SMC4: variants seen among roughly 807,000 people sequenced by gnomAD.
SMC4 encodes the protein structural maintenance of chromosomes 4, also known as structural maintenance of chromosomes protein 4.
A neutral mutation model predicts 145.6 loss-of-function variants in SMC4; 87 were observed. The ratio of observed to expected loss-of-function variants is 0.60; its 90% CI spans 0.50 to 0.71. SMC4 has a LOEUF of 0.71. Among genes scored for constraint, SMC4 ranks in the 30% least tolerant of loss-of-function variants. The pLI, the probability that SMC4 is intolerant of heterozygous loss-of-function variation, is 0.00. For missense variants in SMC4, 1,447 were observed against 1,537.1 expected (o/e 0.94, Z 0.98); for synonymous variants, 558 against 500.7 (o/e 1.11, Z -1.53).
intron 13 of SMC4, 40 bp from the exon 14 acceptor site, chr3:160,423,370 TGAGTTTTCTTTTTTG>T: frequency 3.0e-6 from 3 of 992,498 alleles, no homozygotes; most frequent in South Asian, 3.8e-5. Flanking sequence ...TTTTTTTTTT[TGAGTTTTCTTTTTTG>T]TTAACTGTTG....
At position 160,402,019 on chromosome 3, in the gene SMC4, C is replaced by CT. The variant is rs1714737721; in HGVS notation, c.246dup (p.Met83TyrfsTer24). Reference sequence around the variant, plus strand: ...GACCAATGAAGCTGGAGCTCCTCGGCTTATGATAACTCATATTGTAAACCA... The same window carrying CT: ...GACCAATGAAGCTGGAGCTCCTCGGCTTTATGATAACTCATATTGTAAACCA... On this transcript the variant is annotated frameshift_variant, in exon 3 of 24. Transcript: ENST00000357388. LOFTEE classifies it high-confidence loss of function. 4 of 1,599,866 alleles carry CT rather than the reference C, an allele frequency of 2.5e-6. No homozygotes were observed. The highest frequency in any genetic ancestry group is 3.4e-6 in the Non-Finnish European group (4 of 1,174,322).
intron 2 of SMC4, 90 bp downstream of exon 2, chr3:160,401,055 C>T (rs1297108898): frequency 1.5e-6 from 2 of 1,336,202 alleles, no homozygotes; most frequent in Admixed American, 4.1e-5. Context: ...GGTTGTTGAG[C>T]GCGGAGTTGA....
chr3:160,428,768 C>T lies in SMC4; in HGVS notation c.2621C>T (p.Ala874Val), dbSNP rs753725902. The change falls in exon 18 of 24, where the codon GCT becomes GTT. Residue 874 changes from alanine to valine, a missense_variant. Ala to Val is a moderately conservative substitution (Grantham distance 64). Transcript: ENST00000357388. ...TTAATTTCAGAATATGATGCTGTGGCTGAGAAAGCTGGTAAAGTAGAAGCT... is the reference window on the plus strand; with the variant it reads ...TTAATTTCAGAATATGATGCTGTGGTTGAGAAAGCTGGTAAAGTAGAAGCT... ...SAFKTEYDAV[A>V]EKAGKVEAEV... The T allele has an allele frequency of 6.3e-6, 10 of 1,584,276 alleles. No homozygotes were observed. In the South Asian group the frequency reaches 1.2e-4, roughly 19 times the overall value.
At chr3:160,402,972 G>T in intron 4 of SMC4, 105 bp downstream of exon 4, 1 of 754,902 alleles carries the variant, frequency 1.3e-6, no homozygotes, top group South Asian at 2.2e-5. Context: ...TAATTACAGC[G>T]GAAAGCATTG....
chr3:160,424,087 T>C (rs181099382), intron 15 of SMC4, among the ~76,000 whole-genome samples: 7 of 152,300 alleles, frequency 4.6e-5, no homozygotes, highest in African/African-American at 9.6e-5. Flanking sequence ...CATACAGATA[T>C]TCCATAACTT....
chr3:160,400,249 C>T (rs575229832), intron 1 of SMC4: 3 of 152,318 alleles, frequency 2.0e-5, no homozygotes, highest in Non-Finnish European at 2.9e-5. Flanking sequence ...GCGGTCCGAC[C>T]GCTGAGAGGA....
chr3:160,413,973 G>A (rs1269507660), intron 8 of SMC4: 4 of 317,988 alleles, frequency 1.3e-5, no homozygotes, highest in South Asian at 2.7e-5. Flanking sequence ...CCTACTTGAT[G>A]CCATTTTTCA....
Position 160,428,734 on chromosome 3 carries a change from C to A in SMC4, c.2606-19C>A, listed in dbSNP as rs62272243. The A allele has an allele frequency of 0.033, 50,892 of 1,555,902 alleles. 1,087 individuals are homozygous for A. The highest frequency in any genetic ancestry group is 0.05 in the Middle Eastern group (269 of 5,370). On this transcript the variant is annotated intron_variant, in intron 17 of 23. Coordinates refer to ENST00000357388, the MANE Select transcript of SMC4 (RefSeq NM_001002800.3). ...TTAGCATAAAAACACAAATTAGGTT[C>A]TTTATTTTTTAATTTCAGAATATGA...
At chr3:160,416,212 T>C in intron 9 of SMC4, 39 bp from the exon 10 acceptor site, 2 of 1,444,040 alleles carry the variant, frequency 1.4e-6, no homozygotes, top group Non-Finnish European at 1.9e-6. Flanking sequence ...TTGGGTAACA[T>C]AAAGATGTAT....
intron 10 of SMC4, 97 bp downstream of exon 10, chr3:160,416,512 G>A (rs1716611345): frequency 1.3e-6 from 1 of 747,938 alleles, no homozygotes; most frequent in African/African-American, 1.8e-5. Flanking sequence ...GAACTGGTAA[G>A]TTTGGACTTT....
In SMC4 at chr3:160,434,510, C is replaced by CAAT; in HGVS notation, c.*701_*702insAAT. ...ATTTTCAACTTTATGATAGGTTTAT[C>CAAT]CGGGTACTAAATGCATTTCAACTTG... On this transcript the variant is annotated 3_prime_UTR_variant, in exon 24 of 24. Transcript: ENST00000357388. The CAAT allele has an allele frequency of 6.6e-6, 1 of 152,246 alleles. No individual in the cohort carries two copies. Among genetic ancestry groups the CAAT allele is most frequent in the East Asian group, 1.9e-4 (1 of 5,186 alleles). 9.4% of individuals were successfully genotyped at this position (152,246 alleles called of 1,614,324 possible). A position where few individuals can be genotyped will look rare whatever the true frequency, so the allele number is the denominator to read the frequency against.
Position 160,419,382 on chromosome 3 carries a change from A to G in SMC4, c.1696A>G (p.Thr566Ala). 2 of 1,592,660 alleles carry G rather than the reference A, an allele frequency of 1.3e-6. No individual in the cohort carries two copies. Among genetic ancestry groups the G allele is most frequent in the South Asian group, 2.3e-5 (2 of 86,004 alleles). ...KEKEKELQKL[T>A]QEETNFKSLV... ...GAAAGAAAAAGAACTTCAAAAACTT[A>G]CACAAGAAGAAACAAACTTTAAAAG... The change falls in exon 12 of 24, where the codon ACA becomes GCA. Residue 566 changes from threonine to alanine, a missense_variant. By Grantham distance (58) the Thr-to-Ala change is moderately conservative. Coordinates refer to ENST00000357388, the MANE Select transcript of SMC4 (RefSeq NM_001002800.3).
intron 19 of SMC4, 102 bp from the exon 20 acceptor site, chr3:160,430,930 G>A (rs1219489472): frequency 7.8e-7 from 1 of 1,289,572 alleles, no homozygotes; most frequent in Non-Finnish European, 1.1e-6. Context: ...ATTTTAAAAT[G>A]GAAGGGGCAT....
chr3:160,429,798 C>A (rs960373617), intron 18 of SMC4, among the ~76,000 whole-genome samples: 2 of 151,260 alleles, frequency 1.3e-5, no homozygotes, highest in Non-Finnish European at 2.9e-5. Flanking sequence ...CTCACTGCAG[C>A]CTCCGCCTCC....
rs762948236 is a variant in SMC4 at position 160,432,448 on chromosome 3, T to C, written c.3463T>C (p.Leu1155=). 6.2e-7 allele frequency: 1 copy of C among 1,613,296 alleles called. No homozygotes were observed. Among genetic ancestry groups the C allele is most frequent in the Admixed American group, 1.7e-5 (1 of 59,940 alleles). ...AAAGGAAAATTACCAAATGCTTACTTTGGGAGGGGACGCCGAACTCGAGCT... is the reference window on the plus strand; with the variant it reads ...AAAGGAAAATTACCAAATGCTTACTCTGGGAGGGGACGCCGAACTCGAGCT... ...KLKENYQMLT[L]GGDAELELVD... is the part of the protein sequence containing the mutation. Residue 1155 remains leucine, a synonymous_variant, in exon 22 of 24, where the codon TTG becomes CTG. Coordinates refer to ENST00000357388, the MANE Select transcript of SMC4 (RefSeq NM_001002800.3).
At chr3:160,432,046 C>A (rs1474733450) in intron 21 of SMC4, among the ~76,000 whole-genome samples, 1 of 152,074 alleles carries the variant, frequency 6.6e-6, no homozygotes, top group East Asian at 1.9e-4. Flanking sequence ...ATTAAAGATA[C>A]AAAAAATTAG....
At position 160,431,842 on chromosome 3, in the gene SMC4, T is replaced by C; in HGVS notation, c.3297+17T>C. 1 of 1,592,542 alleles carries C rather than the reference T, an allele frequency of 6.3e-7. No homozygotes were observed. Among genetic ancestry groups the C allele is most frequent in the Non-Finnish European group, 8.5e-7 (1 of 1,172,434 alleles). Reference sequence around the variant, plus strand: ...AAAAAGAAGGTATGAATGAACTGTGTATGTATACTAGTTGGAGTTCTTTTT... The same window carrying C: ...AAAAAGAAGGTATGAATGAACTGTGCATGTATACTAGTTGGAGTTCTTTTT... On this transcript the variant is annotated intron_variant, in intron 21 of 23. Coordinates refer to ENST00000357388, the MANE Select transcript of SMC4 (RefSeq NM_001002800.3).
intron 10 of SMC4, 29 bp downstream of exon 10, chr3:160,416,444 T>G: frequency 7.4e-7 from 1 of 1,349,856 alleles, no homozygotes; most frequent in Non-Finnish European, 9.9e-7. Flanking sequence ...TCAGTGTTTA[T>G]TTTGGTGGCT....
rs181334050 is a variant in SMC4 at position 160,401,911 on chromosome 3, T to A, written c.140-4T>A. 5.6e-6 allele frequency: 9 copies of A among 1,597,522 alleles called. No individual in the cohort carries two copies. The East Asian group carries it at 1.4e-4, about 24-fold the overall frequency. ...TTCGTTTTCCTTTCCTTTCACTGAC[T>A]TAGAGACTGCAAGTGAGGAACTTGA... On this transcript the variant is annotated splice_polypyrimidine_tract_variant and splice_region_variant and intron_variant, in intron 2 of 23. Transcript: ENST00000357388.
Sources: gnomAD v4.1 joint callset for allele counts (sites outside exome capture counted in the v4.1 genomes callset) on GRCh38, gnomAD v4.1.1 for gene constraint, MANE v1.5 for transcripts, NCBI Gene and HGNC (gene_info 2026-07-23, HGNC 2026-07-21) for gene names.